The following CSMD1 variants were observed in gnomAD, a reference collection of about 807,000 sequenced individuals.
The protein encoded by CSMD1 is CUB and sushi domain-containing protein 1.
CSMD1 carries 213 observed loss-of-function variants against 417.5 expected under a neutral mutation model. That is an observed-to-expected ratio of 0.51 (90% CI 0.46 to 0.57). The LOEUF (loss-of-function observed/expected upper bound fraction) is 0.57. Among genes scored for constraint, CSMD1 ranks in the 20% least tolerant of loss-of-function variants. CSMD1 has a pLI of 0.00. For synonymous variants in CSMD1, 2,862 were observed against 1,736.8 expected (o/e 1.65, Z -16.11); for missense variants, 6,923 against 4,529.7 (o/e 1.53, Z -15.17).
At chr8:4,243,422 T>C (rs1233993587) in intron 3 of CSMD1, among the ~76,000 whole-genome samples, 1 of 152,144 alleles carries the variant, frequency 6.6e-6, no homozygotes, top group African/African-American at 2.4e-5. Context: ...ACCACTTTGC[T>C]CCTTGTTCCC....
chr8:4,540,317 A>C (rs984053515), intron 2 of CSMD1, among the ~76,000 whole-genome samples: 12 of 152,184 alleles, frequency 7.9e-5, no homozygotes, highest in African/African-American at 2.7e-4. Flanking sequence ...AATCACCACT[A>C]AAAAACTTTT....
chr8:4,071,699 G>C (rs1049480406), intron 3 of CSMD1, among the ~76,000 whole-genome samples: 4 of 152,046 alleles, frequency 2.6e-5, no homozygotes, highest in African/African-American at 4.8e-5. Context: ...TTTATTTTTG[G>C]AGATTTTAGA....
At chr8:3,436,297 G>C (rs1253798026) in intron 12 of CSMD1, among the ~76,000 whole-genome samples, 1 of 152,118 alleles carries the variant, frequency 6.6e-6, no homozygotes, top group African/African-American at 2.4e-5. Flanking sequence ...CATATCAGAG[G>C]TACAAAAAGG....
rs528092087 is a variant in CSMD1 at position 4,309,134 on chromosome 8, G to T, written c.415+110819C>A. Among the ~76,000 whole-genome samples, 187 of 152,178 alleles carry T rather than the reference G, an allele frequency of 1.2e-3. 1 individual carries two copies. The highest frequency in any genetic ancestry group is 4.4e-3 in the African/African-American group (183 of 41,512). ...TTTAATCAATGTCAGGGTGTACTTTGCACACACAGGCCAATTCAACAACTT... is the reference window on the plus strand; with the variant it reads ...TTTAATCAATGTCAGGGTGTACTTTTCACACACAGGCCAATTCAACAACTT... On this transcript the variant is annotated intron_variant, in intron 3 of 69. Coordinates refer to ENST00000635120, the MANE Select transcript of CSMD1 (RefSeq NM_033225.6).
At chr8:3,737,170 G>T (rs946549804) in intron 6 of CSMD1, among the ~76,000 whole-genome samples, 1 of 152,182 alleles carries the variant, frequency 6.6e-6, no homozygotes, top group Admixed American at 6.5e-5. Context: ...AATAAAAATT[G>T]CATTTCCTAC....
intron 3 of CSMD1, among the ~76,000 whole-genome samples, chr8:4,111,030 G>A (rs1009255543): frequency 3.6e-4 from 55 of 152,166 alleles, no homozygotes; most frequent in African/African-American, 7.7e-4. Flanking sequence ...GACTCCCTGC[G>A]AAAGGAAATA....
chr8:4,965,726 T>C (rs923091264), intron 1 of CSMD1, among the ~76,000 whole-genome samples: 4 of 152,182 alleles, frequency 2.6e-5, no homozygotes, highest in Admixed American at 2.0e-4. Flanking sequence ...ATGCACATTT[T>C]AATTTTTAGA....
intron 3 of CSMD1, among the ~76,000 whole-genome samples, chr8:4,150,622 C>G (rs547989808): frequency 2.0e-5 from 3 of 152,306 alleles, no homozygotes; most frequent in African/African-American, 7.2e-5. Context: ...CAAGCATTAA[C>G]TGCAATTCCA....
intron 9 of CSMD1, among the ~76,000 whole-genome samples, chr8:3,582,762 T>C (rs1405013093): frequency 1.3e-5 from 2 of 152,198 alleles, no homozygotes; most frequent in Admixed American, 6.5e-5. Flanking sequence ...CATGATACTA[T>C]TTGGGAGTAT....
intron 5 of CSMD1, among the ~76,000 whole-genome samples, chr8:3,859,313 C>A (rs534894961): frequency 6.6e-6 from 1 of 152,330 alleles, no homozygotes; most frequent in African/African-American, 2.4e-5. Context: ...AACCTACATT[C>A]GCTCGGCCTA....
intron 7 of CSMD1, among the ~76,000 whole-genome samples, chr8:3,687,424 G>A (rs967808867): frequency 1.3e-5 from 2 of 152,184 alleles, no homozygotes; most frequent in East Asian, 1.9e-4. Context: ...TGGAAAACTT[G>A]CCTCTCAAAT....
chr8:4,179,077 CT>C (rs1447881014), intron 3 of CSMD1, among the ~76,000 whole-genome samples: 1 of 152,110 alleles, frequency 6.6e-6, no homozygotes, highest in East Asian at 1.9e-4. Flanking sequence ...GAAAAAACTA[CT>C]TTAAAGTTCA....
chr8:4,444,787 A>C (rs1178113669), intron 2 of CSMD1, among the ~76,000 whole-genome samples: 1 of 152,174 alleles, frequency 6.6e-6, no homozygotes, highest in Non-Finnish European at 1.5e-5. Flanking sequence ...CTAAGAACAT[A>C]TTATTCCAGA....
At chr8:3,020,193 G>A (rs1252483507) in intron 51 of CSMD1, among the ~76,000 whole-genome samples, 2 of 152,192 alleles carry the variant, frequency 1.3e-5, no homozygotes, top group Non-Finnish European at 2.9e-5. Context: ...ATAGGCTTGT[G>A]CATTAGATTC....
chr8:4,114,770 G>C (rs1329069717), intron 3 of CSMD1, among the ~76,000 whole-genome samples: 2 of 152,172 alleles, frequency 1.3e-5, no homozygotes, highest in Non-Finnish European at 2.9e-5. Context: ...AATATAATAA[G>C]ACTTCAGCAG....
chr8:4,516,054 C>T (rs1057085048), intron 2 of CSMD1, among the ~76,000 whole-genome samples: 1 of 152,132 alleles, frequency 6.6e-6, no homozygotes, highest in African/African-American at 2.4e-5. Flanking sequence ...CCCAAAACTG[C>T]TATGTTGAAA....
chr8:4,984,242 T>C (rs1030606913), intron 1 of CSMD1, among the ~76,000 whole-genome samples: 38 of 152,314 alleles, frequency 2.5e-4, no homozygotes, highest in African/African-American at 8.7e-4. Context: ...TGTTTAAAAA[T>C]GTCTAATGTT....
At chr8:3,597,358 G>C (rs900213) in intron 8 of CSMD1, among the ~76,000 whole-genome samples, 1 of 148,656 alleles carries the variant, frequency 6.7e-6, no homozygotes, top group Non-Finnish European at 1.5e-5. Flanking sequence ...CCTCACTCTC[G>C]CTTCACTGGA....
rs571101944 is a variant in CSMD1, at chr8:3,334,137, G to A, written c.3631+9157C>T. Among the ~76,000 whole-genome samples, 4 of 152,284 alleles carry A rather than the reference G, an allele frequency of 2.6e-5. No individual in the cohort carries two copies. In the South Asian group the frequency reaches 8.3e-4, roughly 32 times the overall value. On this transcript the variant is annotated intron_variant, in intron 23 of 69. Transcript: ENST00000635120. Reference sequence around the variant, plus strand: ...GATGTGTTTGGGTAGAGATAGGTGGGAGAGGATGCCAGAAGAAAATGACAT... The same window carrying A: ...GATGTGTTTGGGTAGAGATAGGTGGAAGAGGATGCCAGAAGAAAATGACAT...
Sources: gnomAD v4.1 joint callset for allele counts (sites outside exome capture counted in the v4.1 genomes callset) on GRCh38, gnomAD v4.1.1 for gene constraint, MANE v1.5 for transcripts, NCBI Gene and HGNC (gene_info 2026-07-23, HGNC 2026-07-21) for gene names.